The following GPR137C variants were observed in gnomAD, a reference collection of about 807,000 sequenced individuals.
GPR137C encodes integral membrane protein GPR137C.
A neutral mutation model predicts 43.4 loss-of-function variants in GPR137C; 27 were observed. That is an observed-to-expected ratio of 0.62 (90% CI 0.46 to 0.86). The LOEUF is 0.86. GPR137C is among the 40% of genes least tolerant of loss of function. GPR137C has a pLI of 0.00. For synonymous variants in GPR137C, 285 were observed against 226.9 expected (o/e 1.26, Z -2.30); for missense variants, 522 against 534.6 (o/e 0.98, Z 0.23).
intron 3 of GPR137C, among the ~76,000 whole-genome samples, chr14:52,631,039 A>G (rs1283555788): frequency 6.6e-6 from 1 of 152,214 alleles, no homozygotes; most frequent in Non-Finnish European, 1.5e-5. Flanking sequence ...TGAACAACTG[A>G]TAAAATTCTG....
At chr14:52,563,058 G>T (rs1220680594) in intron 1 of GPR137C, among the ~76,000 whole-genome samples, 2 of 152,072 alleles carry the variant, frequency 1.3e-5, no homozygotes, top group Non-Finnish European at 2.9e-5. Flanking sequence ...GGCTCACAGT[G>T]ACCTTCATGT....
intron 1 of GPR137C, among the ~76,000 whole-genome samples, chr14:52,567,637 A>G (rs1055561342): frequency 3.4e-5 from 5 of 148,236 alleles, no homozygotes; most frequent in South Asian, 2.1e-4. Flanking sequence ...CACTGCTTAC[A>G]TTCAGATTGT....
At chr14:52,634,440 A>C (rs2039329175) in intron 6 of GPR137C, among the ~76,000 whole-genome samples, 1 of 152,100 alleles carries the variant, frequency 6.6e-6, no homozygotes. Flanking sequence ...TTAATGGCTG[A>C]AGCCATGAAG....
At chr14:52,588,110 A>G (rs1275847387) in intron 1 of GPR137C, among the ~76,000 whole-genome samples, 1 of 152,220 alleles carries the variant, frequency 6.6e-6, no homozygotes, top group Non-Finnish European at 1.5e-5. Flanking sequence ...GAAAAGCACT[A>G]TAAATACCAC....
chr14:52,636,154 T>G lies in GPR137C; in HGVS notation c.*1039T>G, dbSNP rs2039350570. 1 of 152,040 alleles carries G rather than the reference T, an allele frequency of 6.6e-6. No homozygotes were observed. Among genetic ancestry groups the G allele is most frequent in the Non-Finnish European group, 1.5e-5 (1 of 67,972 alleles). 9.4% of individuals were successfully genotyped at this position (152,040 alleles called of 1,614,324 possible). A position where few individuals can be genotyped will look rare whatever the true frequency, so the allele number is the denominator to read the frequency against. ...CTATGATTTTCACATTTTTATATCTTATATATGGGAAAAGCCAAATTAAAT... is the reference window on the plus strand; with the variant it reads ...CTATGATTTTCACATTTTTATATCTGATATATGGGAAAAGCCAAATTAAAT... On this transcript the variant is annotated 3_prime_UTR_variant, in exon 7 of 7. Coordinates refer to ENST00000321662, the MANE Select transcript of GPR137C (RefSeq NM_001099652.2).
At chr14:52,608,191 GTCT>G (rs1372858084) in intron 3 of GPR137C, among the ~76,000 whole-genome samples, 3 of 151,812 alleles carry the variant, frequency 2.0e-5, no homozygotes, top group Non-Finnish European at 4.4e-5. Context: ...CTTTTTTACT[GTCT>G]TCTTTTGTGG....
chr14:52,617,191 T>TCA (rs200977555), intron 3 of GPR137C, among the ~76,000 whole-genome samples: 12 of 151,876 alleles, frequency 7.9e-5, no homozygotes, highest in South Asian at 2.1e-4. Context: ...CACCATTCCC[T>TCA]CACACACACA....
At chr14:52,617,540 A>G (rs2039112887) in intron 3 of GPR137C, among the ~76,000 whole-genome samples, 1 of 152,130 alleles carries the variant, frequency 6.6e-6, no homozygotes, top group Non-Finnish European at 1.5e-5. Flanking sequence ...TCAGCTGGGC[A>G]TGGTGGCACA....
At chr14:52,627,734 C>T (rs1321074189) in intron 3 of GPR137C, among the ~76,000 whole-genome samples, 3 of 152,078 alleles carry the variant, frequency 2.0e-5, no homozygotes, top group African/African-American at 7.2e-5. Flanking sequence ...ATCCCAGCTA[C>T]TCAGGATCCT....
At chr14:52,601,740 T>C (rs1324651219) in intron 3 of GPR137C, among the ~76,000 whole-genome samples, 6 of 152,070 alleles carry the variant, frequency 3.9e-5, no homozygotes, top group Non-Finnish European at 8.8e-5. Flanking sequence ...AACATCACTA[T>C]AGAATTCATA....
At chr14:52,571,422 A>T (rs1366093017) in intron 1 of GPR137C, among the ~76,000 whole-genome samples, 1 of 152,150 alleles carries the variant, frequency 6.6e-6, no homozygotes, top group African/African-American at 2.4e-5. Context: ...TCACAACTAA[A>T]AAGAACTAGA....
intron 1 of GPR137C, among the ~76,000 whole-genome samples, chr14:52,572,365 C>T (rs1216086229): frequency 6.6e-6 from 1 of 152,148 alleles, no homozygotes; most frequent in Non-Finnish European, 1.5e-5. Flanking sequence ...ACTGGCAAAC[C>T]AAATCCAGCA....
chr14:52,621,241 C>T lies in GPR137C; in HGVS notation c.718-10919C>T, dbSNP rs1212901780. The stretch of plus-strand genomic sequence containing the variant: ...ACTTCTCATCAGAAATAATGAAGGC[C>T]AGAAGACACGGAAACGGTATTTTTT... On this transcript the variant is annotated intron_variant, in intron 3 of 6. Coordinates refer to ENST00000321662, the MANE Select transcript of GPR137C (RefSeq NM_001099652.2). Among the ~76,000 whole-genome samples the T allele has an allele frequency of 2.0e-5, 3 of 151,546 alleles. No individual in the cohort carries two copies. The East Asian group carries it at 5.8e-4, about 29-fold the overall frequency.
Position 52,575,777 on chromosome 14 carries a change from G to T in GPR137C, c.444+22186G>T, listed in dbSNP as rs568039714. ...CTGGGTTGATCCTATTCAATTTCCC[G>T]TGTGTGTTCCAGGACAGTCTACTTT... On this transcript the variant is annotated intron_variant, in intron 1 of 6. Coordinates refer to ENST00000321662, the MANE Select transcript of GPR137C (RefSeq NM_001099652.2). Among the ~76,000 whole-genome samples, 4 of 152,258 alleles carry T rather than the reference G, an allele frequency of 2.6e-5. No homozygotes were observed. In the East Asian group the frequency reaches 5.8e-4, roughly 22 times the overall value.
intron 3 of GPR137C, among the ~76,000 whole-genome samples, chr14:52,616,896 C>A (rs539351294): frequency 1.3e-5 from 2 of 152,290 alleles, no homozygotes; most frequent in East Asian, 3.9e-4. Flanking sequence ...CACTTTGACA[C>A]CATACTTTGG....
intron 1 of GPR137C, among the ~76,000 whole-genome samples, chr14:52,597,370 A>G (rs1345379982): frequency 2.6e-5 from 4 of 152,192 alleles, no homozygotes; most frequent in African/African-American, 9.6e-5. Flanking sequence ...TGTGATATAT[A>G]ATAGGCACTT....
chr14:52,625,849 C>T (rs1349784102), intron 3 of GPR137C, among the ~76,000 whole-genome samples: 2 of 151,926 alleles, frequency 1.3e-5, no homozygotes, highest in African/African-American at 2.4e-5. Flanking sequence ...CCACTGCGCC[C>T]GGCCAGAAGA....
chr14:52,564,718 G>A (rs1189119771), intron 1 of GPR137C, among the ~76,000 whole-genome samples: 2 of 152,078 alleles, frequency 1.3e-5, no homozygotes, highest in Non-Finnish European at 2.9e-5. Flanking sequence ...AAGCACTATA[G>A]GAATAAGGAC....
chr14:52,632,541 T>C (rs568586629), intron 4 of GPR137C, among the ~76,000 whole-genome samples: 15 of 150,216 alleles, frequency 1.0e-4, no homozygotes, highest in African/African-American at 3.6e-4. Context: ...TTTTGGTAAA[T>C]AATAATAGTG....
Sources: gnomAD v4.1 joint callset for allele counts (sites outside exome capture counted in the v4.1 genomes callset) on GRCh38, gnomAD v4.1.1 for gene constraint, MANE v1.5 for transcripts, NCBI Gene and HGNC (gene_info 2026-07-23, HGNC 2026-07-21) for gene names.